The following CCL17 variants were observed in gnomAD, a reference collection of about 807,000 sequenced individuals.
CCL17 encodes the protein C-C motif chemokine 17.
In CCL17, 8 loss-of-function variants were observed where a neutral mutation model predicts 7.4. That is an observed-to-expected ratio of 1.09 (90% CI 0.64 to 1.96). CCL17 has a LOEUF of 1.96. CCL17 is among the 30% of genes most tolerant of loss of function. The pLI, the probability that CCL17 is intolerant of heterozygous loss-of-function variation, is 0.00. For synonymous variants in CCL17, 40 were observed against 46.1 expected (o/e 0.87, Z 0.54); for missense variants, 102 against 113.0 (o/e 0.90, Z 0.44).
chr16:57,415,491 G>A lies in CCL17; in HGVS notation c.189-274G>A, dbSNP rs147134257. Among the ~76,000 whole-genome samples, 19 of 152,340 alleles carry A rather than the reference G, an allele frequency of 1.2e-4. No individual in the cohort carries two copies. The highest frequency in any genetic ancestry group is 4.1e-4 in the South Asian group (2 of 4,832). On this transcript the variant is annotated intron_variant, in intron 3 of 3. Coordinates refer to ENST00000219244, the MANE Select transcript of CCL17 (RefSeq NM_002987.3). This position sits in a 1 kb window ranked among gnomAD's most constrained non-coding sequence, Gnocchi z 4.5. ...CCCAGCCTGGGCCTGAGCCCTGCCC[G>A]CAGTCTCCACGTCCCAGGCTCTAGA...
intron 1 of CCL17, among the ~76,000 whole-genome samples, chr16:57,411,872 C>T (rs1465571046): frequency 3.3e-5 from 5 of 152,240 alleles, no homozygotes; most frequent in Non-Finnish European, 7.3e-5. Context: ...TGAGGCTGCC[C>T]CTCCCTTTCT....
At chr16:57,403,927 G>T (rs545225442), upstream of CCL17, among the ~76,000 whole-genome samples, 170 of 151,858 alleles carry the variant, frequency 1.1e-3, no homozygotes, top group African/African-American at 4.0e-3. Context: ...AAAGTGCTGG[G>T]ATTACAGGCG....
chr16:57,400,519 A>G (rs572281161), upstream of CCL17, among the ~76,000 whole-genome samples: 3 of 151,868 alleles, frequency 2.0e-5, no homozygotes, highest in Non-Finnish European at 2.9e-5. Flanking sequence ...CATTCCTTGC[A>G]GAAGGAACCC....
At chr16:57,400,345 C>T (rs935818701), upstream of CCL17, among the ~76,000 whole-genome samples, 13 of 151,514 alleles carry the variant, frequency 8.6e-5, no homozygotes, top group Admixed American at 6.6e-4. Context: ...GGCAACAGAG[C>T]GAGACTCCGT....
At chr16:57,400,932 C>A (rs1670635667), upstream of CCL17, among the ~76,000 whole-genome samples, 1 of 151,548 alleles carries the variant, frequency 6.6e-6, no homozygotes, top group Non-Finnish European at 1.5e-5. Context: ...CATGCCATTG[C>A]ACTCCAGCCT....
At chr16:57,407,389 C>T (rs1473269996) in intron 1 of CCL17, among the ~76,000 whole-genome samples, 1 of 152,176 alleles carries the variant, frequency 6.6e-6, no homozygotes, top group African/African-American at 2.4e-5. Context: ...GATTCCTCTG[C>T]TTTATCCATG....
At chr16:57,398,213 T>G in the CCL17 span, among the ~76,000 whole-genome samples, 1 of 152,162 alleles carries the variant, frequency 6.6e-6, no homozygotes, top group Non-Finnish European at 1.5e-5. Flanking sequence ...TTGTATTATT[T>G]TGATAGCCTC....
chr16:57,404,428 G>A (rs1379862701), upstream of CCL17, among the ~76,000 whole-genome samples: 3 of 152,128 alleles, frequency 2.0e-5, no homozygotes, highest in African/African-American at 4.8e-5. Flanking sequence ...AGAGGAAGAG[G>A]CGTCAGGGAT....
upstream of CCL17, chr16:57,404,764 G>A (rs1376568554): frequency 3.9e-5 from 6 of 154,456 alleles, no homozygotes; most frequent in South Asian, 8.1e-4. Context: ...TGTAGAAACT[G>A]AGGCTCAGAG....
At chr16:57,401,522 T>C (rs1387801866), upstream of CCL17, among the ~76,000 whole-genome samples, 3 of 142,804 alleles carry the variant, frequency 2.1e-5, no homozygotes, top group Non-Finnish European at 4.6e-5. Context: ...AGACTCTGTC[T>C]GGAAAAAAAA....
chr16:57,403,670 T>A (rs1328992586), upstream of CCL17, among the ~76,000 whole-genome samples: 13 of 103,630 alleles, frequency 1.3e-4, no homozygotes, highest in Non-Finnish European at 1.3e-4. Flanking sequence ...ATATATATAT[T>A]TTTTGAGATA....
Position 57,415,009 on chromosome 16 carries a change from C to A in CCL17, c.71-72C>A. ...CACGCACATGCAGATCTTCCACGAA[C>A]ACCCCCCAGAGGTCCCCGCAACACA... On this transcript the variant is annotated intron_variant, in intron 2 of 3. Coordinates refer to ENST00000219244, the MANE Select transcript of CCL17 (RefSeq NM_002987.3). This position sits in a 1 kb window ranked among gnomAD's most constrained non-coding sequence, Gnocchi z 4.5. 1.0e-6 allele frequency: 1 copy of A among 954,388 alleles called. No individual in the cohort carries two copies. Among genetic ancestry groups the A allele is most frequent in the Non-Finnish European group, 1.7e-6 (1 of 581,756 alleles). 59.1% of individuals were successfully genotyped at this position (954,388 alleles called of 1,614,324 possible).
At chr16:57,400,187 A>G (rs935741383), upstream of CCL17, among the ~76,000 whole-genome samples, 1 of 152,180 alleles carries the variant, frequency 6.6e-6, no homozygotes, top group African/African-American at 2.4e-5. Context: ...GTGAAACCCT[A>G]TCTCTACTAA....
At chr16:57,414,577 G>C (rs572149285) in intron 2 of CCL17, among the ~76,000 whole-genome samples, 4 of 151,680 alleles carry the variant, frequency 2.6e-5, no homozygotes, top group Non-Finnish European at 5.9e-5. Context: ...CGGCCACCAC[G>C]CCACCAATGG....
chr16:57,415,731 C>A lies in CCL17; in HGVS notation c.189-34C>A. ...AGGGACTCTGGGGGCCCTTCCCCCCCTGCCACTCCTGGTAACGTCCTCCTT... is the reference window on the plus strand; with the variant it reads ...AGGGACTCTGGGGGCCCTTCCCCCCATGCCACTCCTGGTAACGTCCTCCTT... On this transcript the variant is annotated intron_variant, in intron 3 of 3. Transcript: ENST00000219244. This position sits in a 1 kb window ranked among gnomAD's most constrained non-coding sequence, Gnocchi z 4.5. 1.4e-6 allele frequency: 2 copies of A among 1,427,370 alleles called. No individual in the cohort carries two copies. Among genetic ancestry groups the A allele is most frequent in the Non-Finnish European group, 2.0e-6 (2 of 1,009,624 alleles). The allele number at this position is 1,427,370 out of a possible 1,614,324, so 88.4% of individuals were successfully genotyped here.
At chr16:57,397,973 G>C in the CCL17 span, among the ~76,000 whole-genome samples, 1 of 152,238 alleles carries the variant, frequency 6.6e-6, no homozygotes, top group African/African-American at 2.4e-5. Flanking sequence ...ATCCTCTTGG[G>C]TGGCATAAGT....
the CCL17 span, among the ~76,000 whole-genome samples, chr16:57,399,572 T>G: frequency 6.6e-6 from 1 of 152,200 alleles, no homozygotes; most frequent in African/African-American, 2.4e-5. Flanking sequence ...TGCTTCAGCC[T>G]CCAAAGTAGC....
chr16:57,408,316 C>G (rs1026315356), intron 1 of CCL17, among the ~76,000 whole-genome samples: 1 of 152,182 alleles, frequency 6.6e-6, no homozygotes, highest in Non-Finnish European at 1.5e-5. Context: ...CATCCATCCT[C>G]CATCCATCCA....
At chr16:57,408,822 C>T (rs1334169596) in intron 1 of CCL17, among the ~76,000 whole-genome samples, 2 of 152,008 alleles carry the variant, frequency 1.3e-5, no homozygotes, top group Non-Finnish European at 2.9e-5. Context: ...GATCCGCCTG[C>T]CTCAGCCTCC....
Sources: gnomAD v4.1 joint callset for allele counts (sites outside exome capture counted in the v4.1 genomes callset) on GRCh38, gnomAD v4.1.1 for gene constraint, Gnocchi (gnomAD v3.1) non-coding constraint, MANE v1.5 for transcripts, NCBI Gene and HGNC (gene_info 2026-07-23, HGNC 2026-07-21) for gene names.